The following JAKMIP2 variants were observed in gnomAD, a reference collection of about 807,000 sequenced individuals.
The protein encoded by JAKMIP2 is janus kinase and microtubule interacting protein 2, also known as janus kinase and microtubule-interacting protein 2.
A neutral mutation model predicts 115.0 loss-of-function variants in JAKMIP2; 25 were observed. That is an observed-to-expected ratio of 0.22 (90% CI 0.16 to 0.30). The LOEUF is 0.30. JAKMIP2 is among the 10% of genes least tolerant of loss of function. The pLI, the probability that JAKMIP2 is intolerant of heterozygous loss-of-function variation, is 1.00. For missense variants in JAKMIP2, 642 were observed against 957.6 expected (o/e 0.67, Z 4.35); for synonymous variants, 334 against 343.6 (o/e 0.97, Z 0.31).
At chr5:147,715,345 T>G (rs958149284) in intron 1 of JAKMIP2, among the ~76,000 whole-genome samples, 3 of 151,832 alleles carry the variant, frequency 2.0e-5, no homozygotes, top group Non-Finnish European at 4.4e-5. Context: ...AATATACCAA[T>G]TAAAAGATAG....
At chr5:147,595,212 C>G (rs1304209312) in intron 21 of JAKMIP2, among the ~76,000 whole-genome samples, 1 of 152,080 alleles carries the variant, frequency 6.6e-6, no homozygotes, top group East Asian at 1.9e-4. Flanking sequence ...AGAAAATTAA[C>G]GTTTGGAGAG....
At chr5:147,618,598 C>T (rs1483161482) in intron 18 of JAKMIP2, among the ~76,000 whole-genome samples, 1 of 151,986 alleles carries the variant, frequency 6.6e-6, no homozygotes, top group East Asian at 1.9e-4. Context: ...ATTAGGTGGG[C>T]GTGGTGGTGC....
At chr5:147,755,972 A>G (rs1277848850) in intron 1 of JAKMIP2, among the ~76,000 whole-genome samples, 2 of 152,202 alleles carry the variant, frequency 1.3e-5, no homozygotes, top group Admixed American at 6.6e-5. Context: ...ATATATATGT[A>G]TATCCTGTAT....
At chr5:147,729,881 T>C (rs1010606964) in intron 1 of JAKMIP2, among the ~76,000 whole-genome samples, 20 of 152,028 alleles carry the variant, frequency 1.3e-4, no homozygotes, top group Non-Finnish European at 7.4e-5. Flanking sequence ...CTGAGTGCTA[T>C]GGTTAAGGAA....
At chr5:147,717,278 G>T (rs1241595140) in intron 1 of JAKMIP2, among the ~76,000 whole-genome samples, 130 of 129,120 alleles carry the variant, frequency 1.0e-3, no homozygotes, top group African/African-American at 3.6e-3. Flanking sequence ...GTCAGGTAGT[G>T]TGATGCCTCC....
chr5:147,686,505 C>A (rs919230689), intron 1 of JAKMIP2, among the ~76,000 whole-genome samples: 1 of 152,146 alleles, frequency 6.6e-6, no homozygotes, highest in Non-Finnish European at 1.5e-5. Context: ...TCTATAGAAG[C>A]AGGGATTTCC....
chr5:147,619,537 G>A (rs1235100124), intron 18 of JAKMIP2, among the ~76,000 whole-genome samples: 1 of 152,126 alleles, frequency 6.6e-6, no homozygotes, highest in Non-Finnish European at 1.5e-5. Context: ...AAAAACCTCT[G>A]CTAGGAATTC....
At chr5:147,746,257 T>C (rs1561573408) in intron 1 of JAKMIP2, among the ~76,000 whole-genome samples, 1 of 152,130 alleles carries the variant, frequency 6.6e-6, no homozygotes, top group East Asian at 1.9e-4. Flanking sequence ...CAGAAATGCT[T>C]AAAGGCCTTT....
chr5:147,637,580 C>T (rs59967655), intron 10 of JAKMIP2, among the ~76,000 whole-genome samples: 6,940 of 151,770 alleles, frequency 0.046, 514 homozygotes, highest in African/African-American at 0.16. Context: ...GCTTGGATTA[C>T]AGGCACCGGC....
intron 10 of JAKMIP2, among the ~76,000 whole-genome samples, chr5:147,639,137 A>G (rs1230444657): frequency 6.6e-6 from 1 of 152,168 alleles, no homozygotes; most frequent in Non-Finnish European, 1.5e-5. Flanking sequence ...GGGCAATTCA[A>G]TTAACCTCTC....
intron 1 of JAKMIP2, among the ~76,000 whole-genome samples, chr5:147,758,389 A>T (rs1345500394): frequency 6.6e-6 from 1 of 152,196 alleles, no homozygotes; most frequent in East Asian, 1.9e-4. Context: ...CGAATGTTAC[A>T]TAGAACAAAG....
rs186387120 is a variant in JAKMIP2 at position 147,694,365 on chromosome 5, T to C, written c.-148-22411A>G. Among the ~76,000 whole-genome samples the C allele has an allele frequency of 1.5e-4, 23 of 152,292 alleles. No homozygotes were observed. In the East Asian group the frequency reaches 2.9e-3, roughly 19 times the overall value. ...TAATTGTGGAGTCACAGTCATATCA[T>C]GGGCAGCTAAAATAGGAACAGGACT... On this transcript the variant is annotated intron_variant, in intron 1 of 21. Transcript: ENST00000616793.
rs1554087549 is a variant in JAKMIP2, at chr5:147,782,664, G to GCAGCAGCA, written c.-358_-357insTGCTGCTG. On this transcript the variant is annotated 5_prime_UTR_variant, in exon 1 of 22. An upstream open reading frame in the 5' UTR loses its in-frame stop. Transcript: ENST00000616793. ...TATCAGCAATAGAGGCGGCGGCGGC[G>GCAGCAGCA]GCAGCAGCAGCAGCAGCAGCATCAC... The GCAGCAGCA allele has an allele frequency of 9.4e-6, 6 of 636,664 alleles. No individual in the cohort carries two copies. The highest frequency in any genetic ancestry group is 1.4e-5 in the Non-Finnish European group (5 of 350,046). 39.4% of individuals were successfully genotyped at this position (636,664 alleles called of 1,614,324 possible). A position where few individuals can be genotyped will look rare whatever the true frequency, so the allele number is the denominator to read the frequency against.
chr5:147,623,247 G>C (rs1404248121), intron 17 of JAKMIP2, among the ~76,000 whole-genome samples: 1 of 144,320 alleles, frequency 6.9e-6, no homozygotes, highest in East Asian at 2.5e-4. Flanking sequence ...TTTGATAAGA[G>C]TTATTCTAAT....
At chr5:147,731,988 G>A (rs1376480714) in intron 1 of JAKMIP2, among the ~76,000 whole-genome samples, 2 of 152,218 alleles carry the variant, frequency 1.3e-5, no homozygotes, top group East Asian at 3.9e-4. Flanking sequence ...TAGAATCAGT[G>A]TGTTGTGCAT....
chr5:147,673,674 G>C (rs1391694905), intron 1 of JAKMIP2, among the ~76,000 whole-genome samples: 2 of 152,262 alleles, frequency 1.3e-5, no homozygotes, highest in Non-Finnish European at 2.9e-5. Flanking sequence ...GGGCTGCGAG[G>C]TCTCTGAGAG....
In JAKMIP2 at chr5:147,661,458, A is replaced by AGGC. The variant is rs770058626; in HGVS notation, c.130-16_130-14dup. ...CAAGCTTTGATACCTAAAAACAGAG[A>AGGC]GGCGAAATGATGAAGAGAAATGAGC... On this transcript the variant is annotated splice_polypyrimidine_tract_variant and intron_variant, in intron 2 of 21. Coordinates refer to ENST00000616793, the MANE Select transcript of JAKMIP2 (RefSeq NM_001270941.2). 6.2e-7 allele frequency: 1 copy of AGGC among 1,600,344 alleles called. No homozygotes were observed. Among genetic ancestry groups the AGGC allele is most frequent in the South Asian group, 1.1e-5 (1 of 89,036 alleles).
chr5:147,609,826 G>A (rs1756220125), intron 20 of JAKMIP2, among the ~76,000 whole-genome samples: 1 of 152,070 alleles, frequency 6.6e-6, no homozygotes, highest in African/African-American at 2.4e-5. Context: ...TCAAACATAG[G>A]TTTGGTCTTT....
rs71001456 is a variant in JAKMIP2, at chr5:147,764,947, GGA to G, written c.-149+17507_-149+17508del. Among the ~76,000 whole-genome samples, 28 of 36,590 alleles carry G rather than the reference GGA, an allele frequency of 7.7e-4. 1 individual carries two copies. The highest frequency in any genetic ancestry group is 4.4e-3 in the East Asian group (4 of 908). The allele number at this position is 36,590 out of a possible 152,430, so 24.0% of individuals were successfully genotyped here. A position where few individuals can be genotyped will look rare whatever the true frequency, so the allele number is the denominator to read the frequency against. ...GAGAGAGAGAGAGAGAGAGAGAGAG[GGA>G]GAGAGAGAGAGAGAGAGGGGGAGAG... On this transcript the variant is annotated intron_variant, in intron 1 of 21. Transcript: ENST00000616793.
Sources: gnomAD v4.1 joint callset for allele counts (sites outside exome capture counted in the v4.1 genomes callset) on GRCh38, gnomAD v4.1.1 for gene constraint, MANE v1.5 for transcripts, NCBI Gene and HGNC (gene_info 2026-07-23, HGNC 2026-07-21) for gene names.